OGFOD3: variants seen among roughly 807,000 people sequenced by gnomAD.
OGFOD3 encodes the protein 2-oxoglutarate and iron dependent oxygenase domain containing 3.
Under a neutral mutation model 39.8 loss-of-function variants are expected in OGFOD3, and 35 were observed. The ratio of observed to expected loss-of-function variants is 0.88; its 90% confidence interval spans 0.67 to 1.17. The LOEUF is 1.17. Ranked by LOEUF, OGFOD3 falls within the 50% of genes most tolerant of loss-of-function variation. The pLI, the probability that OGFOD3 is intolerant of heterozygous loss-of-function variation, is 0.00. For synonymous variants in OGFOD3, 200 were observed against 192.0 expected, an observed-to-expected ratio of 1.04 and a Z score of -0.34; for missense variants, 438 against 454.5, an observed-to-expected ratio of 0.96 and a Z score of 0.33.
chr17:82,418,190 A>C, intron 1 of OGFOD3: 1 of 392,762 alleles, frequency 2.5e-6, no homozygotes. Flanking sequence ...CCTCTGGGAT[A>C]GGTGGGCCTC....
chr17:82,413,173 C>T (rs2052980293), intron 2 of OGFOD3, among the ~76,000 whole-genome samples: 2 of 152,168 alleles, frequency 1.3e-5, no homozygotes, highest in South Asian at 2.1e-4. Flanking sequence ...AACGCGAGGA[C>T]ACAGGAAAGC....
chr17:82,403,432 G>A (rs1026324408), intron 7 of OGFOD3, among the ~76,000 whole-genome samples: 1 of 152,166 alleles, frequency 6.6e-6, no homozygotes, highest in African/African-American at 2.4e-5. Flanking sequence ...AGGATTTTGA[G>A]ACTATCCTGG....
chr17:82,410,152 C>A (rs1479311486), intron 3 of OGFOD3, among the ~76,000 whole-genome samples: 2 of 152,230 alleles, frequency 1.3e-5, no homozygotes, highest in African/African-American at 4.8e-5. Flanking sequence ...CCACAGAGGA[C>A]CACCCTGAGC....
intron 2 of OGFOD3, among the ~76,000 whole-genome samples, chr17:82,413,280 G>A (rs913530668): frequency 2.6e-5 from 4 of 152,182 alleles, no homozygotes; most frequent in African/African-American, 7.2e-5. Context: ...AGGGTCCCCC[G>A]CGGCACAGGA....
chr17:82,413,890 A>AG (rs2052992683), intron 2 of OGFOD3, among the ~76,000 whole-genome samples: 1 of 151,520 alleles, frequency 6.6e-6, no homozygotes, highest in Admixed American at 6.6e-5. Flanking sequence ...AAAAAAAAAA[A>AG]AAGAAGAAAG....
Position 82,392,356 on chromosome 17 carries a change from T to C in OGFOD3, c.*42A>G, listed in dbSNP as rs777041529. The C allele has an allele frequency of 6.3e-7, 1 of 1,593,222 alleles. No individual in the cohort carries two copies. Among genetic ancestry groups the C allele is most frequent in the Admixed American group, 1.8e-5 (1 of 56,930 alleles). ...TGGGTGCACGACTGGCGCGGCTGCC[T>C]CCACACGGGCCCTCCTGAAGTTACC... is the stretch of plus-strand genomic sequence containing the variant. On this transcript the variant is annotated 3_prime_UTR_variant, in exon 9 of 9. Coordinates refer to ENST00000313056, the MANE Select transcript of OGFOD3 (RefSeq NM_024648.3). This position sits in a 1 kb window ranked among gnomAD's most constrained non-coding sequence, Gnocchi z 4.2.
rs963751972 is a variant in OGFOD3 at position 82,416,000 on chromosome 17, G to A, written c.75-373C>T. On this transcript the variant is annotated intron_variant, in intron 1 of 8. Transcript: ENST00000313056. This position sits in a 1 kb window ranked among gnomAD's most constrained non-coding sequence, Gnocchi z 5.3. ...TCCCAGCACCTGGGGAGGCCAAGGC[G>A]GGCAGATCACCTGAGGTCAGGGTAT... Among the ~76,000 whole-genome samples the A allele has an allele frequency of 2.0e-5, 3 of 152,068 alleles. No homozygotes were observed. Among genetic ancestry groups the A allele is most frequent in the South Asian group, 4.1e-4 (2 of 4,824 alleles).
chr17:82,405,936 A>T (rs979631244), intron 5 of OGFOD3, among the ~76,000 whole-genome samples: 2 of 152,156 alleles, frequency 1.3e-5, no homozygotes, highest in Non-Finnish European at 1.5e-5. Context: ...CGACAGAGCA[A>T]GATTCCATCT....
chr17:82,392,600 C>T lies in OGFOD3; in HGVS notation c.824-66G>A. The T allele has an allele frequency of 1.3e-6, 2 of 1,515,836 alleles. No individual in the cohort carries two copies. The highest frequency in any genetic ancestry group is 1.8e-6 in the Non-Finnish European group (2 of 1,127,286). 93.9% of individuals were successfully genotyped at this position (1,515,836 alleles called of 1,614,324 possible). A position where few individuals can be genotyped will look rare whatever the true frequency, so the allele number is the denominator to read the frequency against. ...CCCACGGCCACAGCCTTCAGAGGGT[C>T]TGCGGTCACCTGAAAGAGCAACTAT... is the stretch of plus-strand genomic sequence containing the variant. On this transcript the variant is annotated intron_variant, in intron 8 of 8. Transcript: ENST00000313056. This position sits in a 1 kb window ranked among gnomAD's most constrained non-coding sequence, Gnocchi z 4.2.
At chr17:82,401,807 A>AAAAAAAAAAAAAAAAAAC (rs1567868705) in intron 7 of OGFOD3, among the ~76,000 whole-genome samples, 1 of 145,716 alleles carries the variant, frequency 6.9e-6, no homozygotes, top group Non-Finnish European at 1.5e-5. Context: ...CCATCTCAAA[A>AAAAAAAAAAAAAAAAAAC]AAAAAAAAAA....
rs144208344 is a variant in OGFOD3, at chr17:82,408,872, T to C, written c.423+496A>G. ...AGGTGAACACATTATCCGAGGCCAC[T>C]AGCTGACCCCCTGCAGCCTCACATG... is the stretch of plus-strand genomic sequence containing the variant. On this transcript the variant is annotated intron_variant, in intron 4 of 8. Transcript: ENST00000313056. Among the ~76,000 whole-genome samples the C allele has an allele frequency of 5.5e-3, 839 of 152,322 alleles. 7 individuals are homozygous for C. The highest frequency in any genetic ancestry group is 0.017 in the African/African-American group (708 of 41,558).
chr17:82,397,422 A>G (rs1236615337), intron 8 of OGFOD3, among the ~76,000 whole-genome samples: 49 of 28,238 alleles, frequency 1.7e-3, no homozygotes, highest in Non-Finnish European at 3.0e-3. Context: ...GGGTGAGGGC[A>G]GTGCCCTGGG....
chr17:82,394,262 T>C (rs6502106), intron 8 of OGFOD3: 726,241 of 1,320,948 alleles, frequency 0.55, 202,008 homozygotes, highest in South Asian at 0.71. Flanking sequence ...AGTGCTGGGA[T>C]TACAGGCGTG....
At chr17:82,394,332 T>C (rs1567864450) in intron 8 of OGFOD3, 1 of 1,537,122 alleles carries the variant, frequency 6.5e-7, no homozygotes, top group Non-Finnish European at 8.8e-7. Context: ...GATTATCACC[T>C]GCTTCCTTAA....
chr17:82,415,501 G>GTC lies in OGFOD3; in HGVS notation c.199_200dup (p.Asp67GlufsTer63). 6.2e-7 allele frequency: 1 copy of GTC among 1,613,608 alleles called. No homozygotes were observed. The highest frequency in any genetic ancestry group is 1.1e-5 in the South Asian group (1 of 91,062). ...GGGCCAGGACCTCTGCGACCCCGTCGTCGGCCCCCAAGCTGCTCCAGAGCA... is the reference window on the plus strand; with the variant it reads ...GGGCCAGGACCTCTGCGACCCCGTCGTCTCGGCCCCCAAGCTGCTCCAGAGCA... On this transcript the variant is annotated frameshift_variant, in exon 2 of 9. Coordinates refer to ENST00000313056, the MANE Select transcript of OGFOD3 (RefSeq NM_024648.3). LOFTEE classifies it high-confidence loss of function. This position sits in a 1 kb window ranked among gnomAD's most constrained non-coding sequence, Gnocchi z 5.3.
chr17:82,398,680 T>G (rs919412939), intron 7 of OGFOD3, among the ~76,000 whole-genome samples: 3 of 151,802 alleles, frequency 2.0e-5, no homozygotes, highest in Non-Finnish European at 4.4e-5. Context: ...ATTACGGGCA[T>G]GAGCCACTGA....
rs954412587 is a variant in OGFOD3 at position 82,391,141 on chromosome 17, C to G, written c.*1257G>C. On this transcript the variant is annotated 3_prime_UTR_variant, in exon 9 of 9. Transcript: ENST00000313056. The surrounding 1 kb of genome is among the most constrained non-coding windows in gnomAD (Gnocchi z 5.1). Reference sequence around the variant, plus strand: ...GGGGCCCAGGGCTCTCCCCAGGCAGCTGGGTCAGGGCATCCAGGAGAGCCC... The same window carrying G: ...GGGGCCCAGGGCTCTCCCCAGGCAGGTGGGTCAGGGCATCCAGGAGAGCCC... 1 of 153,702 alleles carries G rather than the reference C, an allele frequency of 6.5e-6. No individual in the cohort carries two copies. Among genetic ancestry groups the G allele is most frequent in the Non-Finnish European group, 1.4e-5 (1 of 69,070 alleles). The allele number at this position is 153,702 out of a possible 1,614,324, so 9.5% of individuals were successfully genotyped here. A position where few individuals can be genotyped will look rare whatever the true frequency, so the allele number is the denominator to read the frequency against.
intron 1 of OGFOD3, among the ~76,000 whole-genome samples, chr17:82,417,590 G>A (rs559045903): frequency 2.5e-4 from 36 of 142,522 alleles, no homozygotes; most frequent in African/African-American, 9.3e-4. Flanking sequence ...CTGCACTCCA[G>A]CCTGGGCAAC....
rs2052602082 is a variant in OGFOD3 at position 82,391,974 on chromosome 17, C to T, written c.*424G>A. 1 of 178,362 alleles carries T rather than the reference C, an allele frequency of 5.6e-6. No homozygotes were observed. Among genetic ancestry groups the T allele is most frequent in the Non-Finnish European group, 1.2e-5 (1 of 84,446 alleles). 11.0% of individuals were successfully genotyped at this position (178,362 alleles called of 1,614,324 possible). A position where few individuals can be genotyped will look rare whatever the true frequency, so the allele number is the denominator to read the frequency against. On this transcript the variant is annotated 3_prime_UTR_variant, in exon 9 of 9. Transcript: ENST00000313056. The surrounding 1 kb of genome is among the most constrained non-coding windows in gnomAD (Gnocchi z 5.1). ...CAAAGCTGCTGCGGTTTGCTGATGC[C>T]GAGACCCCGAACAGAAGCTGCTGGC...
Sources: gnomAD v4.1 joint callset for allele counts (sites outside exome capture counted in the v4.1 genomes callset) on GRCh38, gnomAD v4.1.1 for gene constraint, Gnocchi (gnomAD v3.1) non-coding constraint, MANE v1.5 for transcripts, NCBI Gene and HGNC (gene_info 2026-07-23, HGNC 2026-07-21) for gene names.